BSG: variants seen among roughly 807,000 people sequenced by gnomAD.
The protein encoded by BSG is basigin.
In BSG, 37 loss-of-function variants were observed where a neutral mutation model predicts 43.1. The observed-to-expected ratio is 0.86, with a 90% confidence interval of 0.66 to 1.13. BSG has a LOEUF of 1.13. Ranked by LOEUF, BSG falls within the 50% of genes most tolerant of loss-of-function variation. BSG has a pLI of 0.00. For synonymous variants in BSG, 309 were observed against 238.7 expected (o/e 1.29, Z -2.72); for missense variants, 599 against 554.2 (o/e 1.08, Z -0.81).
At chr19:579,743 A>G in intron 3 of BSG, 87 bp downstream of exon 3, 1 of 1,507,530 alleles carries the variant, frequency 6.6e-7, no homozygotes, top group Non-Finnish European at 8.8e-7. Flanking sequence ...AGAACAAAAG[A>G]CCGGTCGGCA....
intron 2 of BSG, 33 bp downstream of exon 2, chr19:578,154 T>C: frequency 6.7e-7 from 1 of 1,491,724 alleles, no homozygotes; most frequent in Non-Finnish European, 9.0e-7. Flanking sequence ...CCCGCCTCCC[T>C]CAGTTTCCCT....
intron 2 of BSG, 191 bp from the exon 3 acceptor site, chr19:579,309 C>A: frequency 1.3e-6 from 1 of 790,668 alleles, no homozygotes; most frequent in Non-Finnish European, 2.1e-6. Flanking sequence ...AGGCGCTGGG[C>A]TCTTCCCTTC....
intron 1 of BSG, among the ~76,000 whole-genome samples, chr19:575,630 G>T (rs1245114828): frequency 6.7e-6 from 1 of 148,742 alleles, no homozygotes; most frequent in African/African-American, 2.5e-5. Context: ...GCGGGTGGGG[G>T]CGGGCAGCCT....
At chr19:574,254 A>G (rs113253335) in intron 1 of BSG, among the ~76,000 whole-genome samples, 1 of 69,314 alleles carries the variant, frequency 1.4e-5, no homozygotes, top group African/African-American at 9.2e-5. Context: ...CTCTGTCTTT[A>G]AAAAAAAAAA....
At position 581,377 on chromosome 19, in the gene BSG, A is replaced by T. The variant is rs1248895381; in HGVS notation, c.855A>T (p.Leu285=). ...FVSSSQGRSE[L]HIENLNMEAD... ...GTTCCTCGCAGGGCCGGTCAGAGCT[A>T]CACATTGAGAACCTGAACATGGAGG... The change falls in exon 6 of 9, where the codon CTA becomes CTT. Residue 285 remains leucine (L), a synonymous_variant. Transcript: ENST00000333511. 6.2e-7 allele frequency: 1 copy of T among 1,612,816 alleles called. No homozygotes were observed. The highest frequency in any genetic ancestry group is 8.5e-7 in the Non-Finnish European group (1 of 1,179,946).
At chr19:572,956 G>C (rs1373234026) in intron 1 of BSG, among the ~76,000 whole-genome samples, 1 of 151,948 alleles carries the variant, frequency 6.6e-6, no homozygotes, top group Non-Finnish European at 1.5e-5. Context: ...CCCGGCCTCT[G>C]TGTGTGGGCG....
At chr19:576,840 C>T (rs1435613988) in intron 1 of BSG, among the ~76,000 whole-genome samples, 1 of 152,192 alleles carries the variant, frequency 6.6e-6, no homozygotes, top group Non-Finnish European at 1.5e-5. Context: ...GGTGCTCAGA[C>T]GTGAACATTC....
chr19:578,093 C>T lies in BSG; in HGVS notation c.387C>T (p.Arg129=), dbSNP rs1194980049. The change falls in exon 2 of 9, where the codon CGC becomes CGT. Residue 129 remains arginine, a synonymous_variant. Transcript: ENST00000333511. ...GGGCGCCCAGGGTCAAGTGGGTCCG[C>T]GCCCAGGCAGTCGTGCTAGTCCTGG... is the stretch of plus-strand genomic sequence containing the variant. ...LTRAPRVKWV[R]AQAVVLVLEP... 10 of 1,593,498 alleles carry T rather than the reference C, an allele frequency of 6.3e-6. No homozygotes were observed. The highest frequency in any genetic ancestry group is 2.3e-5 in the East Asian group (1 of 44,216).
chr19:580,793 A>C lies in BSG; in HGVS notation c.792+11A>C, dbSNP rs10416339. The C allele has an allele frequency of 0.15, 126,859 of 871,028 alleles. 21,461 individuals carry two copies. The highest frequency in any genetic ancestry group is 0.53 in the African/African-American group (19,094 of 35,940). 54.0% of individuals were successfully genotyped at this position (871,028 alleles called of 1,614,324 possible). On this transcript the variant is annotated intron_variant, in intron 5 of 8. Coordinates refer to ENST00000333511, the MANE Select transcript of BSG (RefSeq NM_001728.4). ...GACTCTGAGGACAAGGTGAGAAGCC[A>C]AGGAGGCTGGGGGTCCTGGACCCAG...
intron 1 of BSG, among the ~76,000 whole-genome samples, chr19:574,528 G>T (rs995700706): frequency 6.6e-6 from 1 of 152,070 alleles, no homozygotes; most frequent in Non-Finnish European, 1.5e-5. Flanking sequence ...ACTCCAGCCT[G>T]GGCGACAGAG....
chr19:571,508 C>G (rs767646801), upstream of BSG: 1 of 779,096 alleles, frequency 1.3e-6, no homozygotes, highest in South Asian at 1.3e-5. Context: ...TACGCGTCAC[C>G]TCGGGCGGGA....
intron 1 of BSG, among the ~76,000 whole-genome samples, chr19:575,782 C>G (rs375925694): frequency 6.6e-6 from 1 of 152,130 alleles, no homozygotes; most frequent in Non-Finnish European, 1.5e-5. Context: ...GAATCGAATT[C>G]TAACCTTTCT....
rs369456038 is a variant in BSG at position 577,151 on chromosome 19, C to T, written c.68-623C>T. On this transcript the variant is annotated intron_variant, in intron 1 of 8. Coordinates refer to ENST00000333511, the MANE Select transcript of BSG (RefSeq NM_001728.4). ...GATTCTGCTGTGCTCCTTGGCAGCT[C>T]TGGGGGCCTTCCCTTGCATTTCGAA... Among the ~76,000 whole-genome samples the T allele has an allele frequency of 1.1e-4, 16 of 152,234 alleles. No individual in the cohort carries two copies. The East Asian group carries it at 2.5e-3, about 24-fold the overall frequency.
rs1415394557 is a variant in BSG, at chr19:582,870, ACTTC to A, written c.*131_*134del. ...CCCACCCCGTAGATTCCCATCATAC[ACTTC>A]CTTCTTTTTTAAAAAAGTTGGGTTT... is the stretch of plus-strand genomic sequence containing the variant. On this transcript the variant is annotated 3_prime_UTR_variant, in exon 9 of 9. Transcript: ENST00000333511. 4 of 483,096 alleles carry A rather than the reference ACTTC, an allele frequency of 8.3e-6. No homozygotes were observed. Among genetic ancestry groups the A allele is most frequent in the Non-Finnish European group, 1.5e-5 (4 of 272,828 alleles). 29.9% of individuals were successfully genotyped at this position (483,096 alleles called of 1,614,324 possible). A position where few individuals can be genotyped will look rare whatever the true frequency, so the allele number is the denominator to read the frequency against.
chr19:578,138 T>G lies in BSG; in HGVS notation c.415+17T>G. On this transcript the variant is annotated intron_variant, in intron 2 of 8. Coordinates refer to ENST00000333511, the MANE Select transcript of BSG (RefSeq NM_001728.4). ...TCCTGGAACGTGAGTGGCGGGCACC[T>G]CCCTCCCCGCCTCCCTCAGTTTCCC... 2.0e-6 allele frequency: 3 copies of G among 1,513,042 alleles called. No homozygotes were observed. The highest frequency in any genetic ancestry group is 2.7e-6 in the Non-Finnish European group (3 of 1,124,918). 93.7% of individuals were successfully genotyped at this position (1,513,042 alleles called of 1,614,324 possible).
At chr19:582,233 C>T (rs944312447) in intron 6 of BSG, 73 bp from the exon 7 acceptor site, 63 of 1,582,112 alleles carry the variant, frequency 4.0e-5, no homozygotes, top group Non-Finnish European at 4.9e-5. Context: ...TGCCCCTGCT[C>T]GGGGCCTGAG....
At chr19:571,588 C>T, upstream of BSG, 2 of 779,632 alleles carry the variant, frequency 2.6e-6, no homozygotes, top group Non-Finnish European at 4.8e-6. Flanking sequence ...AGGTAACCGC[C>T]AGCCTCTCCT....
intron 1 of BSG, among the ~76,000 whole-genome samples, chr19:574,243 ACT>A (rs1466980582): frequency 2.4e-5 from 3 of 125,178 alleles, no homozygotes; most frequent in African/African-American, 3.3e-5. Context: ...TAACAGGGAG[ACT>A]CTGTCTTTAA....
chr19:577,302 C>T (rs1435699036), intron 1 of BSG, among the ~76,000 whole-genome samples: 2 of 152,158 alleles, frequency 1.3e-5, no homozygotes, highest in Non-Finnish European at 2.9e-5. Context: ...TTTCCACCCA[C>T]GGGCTGTCCT....
Sources: gnomAD v4.1 joint callset for allele counts (sites outside exome capture counted in the v4.1 genomes callset) on GRCh38, gnomAD v4.1.1 for gene constraint, MANE v1.5 for transcripts, NCBI Gene and HGNC (gene_info 2026-07-23, HGNC 2026-07-21) for gene names.